The following MSRA variants were observed in gnomAD, a reference collection of about 807,000 sequenced individuals.
The protein encoded by MSRA is methionine sulfoxide reductase A, also known as mitochondrial peptide methionine sulfoxide reductase.
In MSRA, 54 loss-of-function variants were observed where a neutral mutation model predicts 31.3. The observed-to-expected ratio is 1.73, with a 90% CI of 1.39 to 2.17. MSRA has a LOEUF of 2.17. Among genes scored for constraint, MSRA ranks in the 30% most tolerant of loss-of-function variants. MSRA has a pLI of 0.00. For missense variants in MSRA, 507 were observed against 300.9 expected (o/e 1.69, Z -5.07); for synonymous variants, 169 against 116.5 (o/e 1.45, Z -2.90).
chr8:10,134,732 G>A (rs1200526037), intron 1 of MSRA, among the ~76,000 whole-genome samples: 1 of 152,172 alleles, frequency 6.6e-6, no homozygotes, highest in African/African-American at 2.4e-5. Context: ...TGTCTAGGAG[G>A]GCAGTCTTCT....
At chr8:10,190,250 C>G (rs1017091824) in intron 1 of MSRA, among the ~76,000 whole-genome samples, 8 of 152,148 alleles carry the variant, frequency 5.3e-5, no homozygotes, top group African/African-American at 1.9e-4. Context: ...CCCCAGAACT[C>G]AGTCTCTGCG....
intron 5 of MSRA, among the ~76,000 whole-genome samples, chr8:10,410,163 C>T (rs143703377): frequency 6.0e-4 from 92 of 152,336 alleles, no homozygotes; most frequent in Middle Eastern, 3.4e-3. Context: ...TGGTCCCATC[C>T]GTTGCTGTGG....
intron 1 of MSRA, among the ~76,000 whole-genome samples, chr8:10,196,684 G>T (rs1808019089): frequency 1.3e-5 from 2 of 151,930 alleles, no homozygotes; most frequent in African/African-American, 4.8e-5. Context: ...CGAGTAGCTG[G>T]AATTACAGGG....
chr8:10,163,429 C>G (rs1354157428), intron 1 of MSRA, among the ~76,000 whole-genome samples: 1 of 152,222 alleles, frequency 6.6e-6, no homozygotes, highest in Non-Finnish European at 1.5e-5. Flanking sequence ...GGCGCACCCA[C>G]TGTTAATCAG....
intron 5 of MSRA, among the ~76,000 whole-genome samples, chr8:10,419,716 C>T (rs559270968): frequency 9.9e-5 from 15 of 152,254 alleles, no homozygotes; most frequent in African/African-American, 3.6e-4. Context: ...AAGTTGGTGG[C>T]GCTTGGTGTT....
intron 1 of MSRA, among the ~76,000 whole-genome samples, chr8:10,088,123 C>T (rs1311118322): frequency 2.0e-5 from 3 of 152,172 alleles, no homozygotes; most frequent in Non-Finnish European, 4.4e-5. Context: ...TTCATTTTGA[C>T]TTCCTGTTTC....
intron 2 of MSRA, among the ~76,000 whole-genome samples, chr8:10,241,709 A>G (rs1327068939): frequency 6.6e-6 from 1 of 152,108 alleles, no homozygotes; most frequent in East Asian, 1.9e-4. Flanking sequence ...GAAAGAGACA[A>G]CTAGACATTT....
intron 1 of MSRA, among the ~76,000 whole-genome samples, chr8:10,144,536 C>G (rs1428545584): frequency 6.6e-6 from 1 of 152,178 alleles, no homozygotes; most frequent in Non-Finnish European, 1.5e-5. Flanking sequence ...TACATGTATT[C>G]AAAATATATT....
chr8:10,100,784 C>T (rs916800671), intron 1 of MSRA, among the ~76,000 whole-genome samples: 1 of 152,076 alleles, frequency 6.6e-6, no homozygotes, highest in Non-Finnish European at 1.5e-5. Context: ...TGTGTGTGTT[C>T]TGTATTGCAC....
intron 1 of MSRA, among the ~76,000 whole-genome samples, chr8:10,145,808 A>C (rs954402526): frequency 1.1e-4 from 16 of 152,126 alleles, no homozygotes; most frequent in African/African-American, 3.4e-4. Flanking sequence ...ACACAGATGT[A>C]CATACACCCG....
intron 1 of MSRA, among the ~76,000 whole-genome samples, chr8:10,071,897 G>A (rs569615018): frequency 1.3e-5 from 2 of 152,156 alleles, no homozygotes; most frequent in African/African-American, 2.4e-5. Context: ...TCAGGTAGTC[G>A]AGGGAGCAAT....
At chr8:10,331,387 A>G (rs890097570) in intron 5 of MSRA, among the ~76,000 whole-genome samples, 4 of 152,166 alleles carry the variant, frequency 2.6e-5, no homozygotes, top group African/African-American at 9.7e-5. Flanking sequence ...AAATGGGGAA[A>G]TTAAGAACAG....
chr8:10,133,052 A>G (rs560870114), intron 1 of MSRA, among the ~76,000 whole-genome samples: 41 of 152,326 alleles, frequency 2.7e-4, no homozygotes, highest in Admixed American at 1.6e-3. Flanking sequence ...TTAAAGGCCT[A>G]CAGCCATCCA....
chr8:10,390,234 C>T (rs981130053), intron 5 of MSRA, among the ~76,000 whole-genome samples: 4 of 152,108 alleles, frequency 2.6e-5, no homozygotes, highest in African/African-American at 7.2e-5. Context: ...ATGGGGCCTC[C>T]GTGGGGCAGG....
chr8:10,131,833 T>C (rs1049222416), intron 1 of MSRA, among the ~76,000 whole-genome samples: 24 of 152,210 alleles, frequency 1.6e-4, no homozygotes, highest in African/African-American at 5.8e-4. Flanking sequence ...GAGAACACTT[T>C]TCTCAGAAGT....
intron 3 of MSRA, among the ~76,000 whole-genome samples, chr8:10,281,870 T>C (rs1799641987): frequency 6.6e-6 from 1 of 152,224 alleles, no homozygotes; most frequent in Admixed American, 6.5e-5. Flanking sequence ...TAGTGACGGC[T>C]TCTTAGCCAC....
intron 2 of MSRA, among the ~76,000 whole-genome samples, chr8:10,237,382 T>C (rs929707411): frequency 6.6e-6 from 1 of 152,238 alleles, no homozygotes; most frequent in Non-Finnish European, 1.5e-5. Context: ...CTATTGACAT[T>C]TGTAGGTCAA....
intron 1 of MSRA, among the ~76,000 whole-genome samples, chr8:10,185,416 G>C (rs1277612358): frequency 1.3e-5 from 2 of 152,192 alleles, no homozygotes; most frequent in South Asian, 2.1e-4. Context: ...ACGATCTGAT[G>C]ATGAGTGGGT....
At chr8:10,125,934 C>T (rs933033336) in intron 1 of MSRA, among the ~76,000 whole-genome samples, 3 of 152,184 alleles carry the variant, frequency 2.0e-5, no homozygotes, top group Admixed American at 6.5e-5. Flanking sequence ...CTTTAAAAGG[C>T]GTTGGTCACA....
Sources: allele counts gnomAD v4.1 joint callset (sites outside exome capture counted in the v4.1 genomes callset), GRCh38; gene constraint gnomAD v4.1.1; transcripts MANE v1.5; gene names NCBI Gene and HGNC (gene_info 2026-07-23, HGNC 2026-07-21).